Variants in ATF2 observed in about 807,000 individuals in gnomAD.
ATF2 encodes the protein activating transcription factor 2, also known as cyclic AMP-dependent transcription factor ATF-2.
In ATF2, 24 loss-of-function variants were observed where a neutral mutation model predicts 60.6. The ratio of observed to expected loss-of-function variants is 0.40; its 90% confidence interval spans 0.29 to 0.56. The LOEUF (loss-of-function observed/expected upper bound fraction) is 0.56, where lower values mean the gene tolerates loss of function less well. Ranked by LOEUF, ATF2 falls within the 20% of genes least tolerant of loss-of-function variation. ATF2 has a pLI of 0.54. For synonymous variants in ATF2, 206 were observed against 215.4 expected, an observed-to-expected ratio of 0.96 and a Z score of 0.38; for missense variants, 433 against 607.7, an observed-to-expected ratio of 0.71 and a Z score of 3.02.
chr2:175,084,241 C>T (rs1034713466), intron 12 of ATF2, among the ~76,000 whole-genome samples: 2 of 151,944 alleles, frequency 1.3e-5, no homozygotes, highest in Admixed American at 6.6e-5. Flanking sequence ...TTGGAACCAA[C>T]CAAAATGTCC....
chr2:175,106,269 G>A (rs1293343045), intron 10 of ATF2, among the ~76,000 whole-genome samples: 4 of 152,134 alleles, frequency 2.6e-5, no homozygotes, highest in East Asian at 1.9e-4. Context: ...AGTAGCTCAC[G>A]CCTGTAATCA....
intron 13 of ATF2, among the ~76,000 whole-genome samples, chr2:175,076,468 T>C (rs942440309): frequency 1.3e-5 from 2 of 152,130 alleles, no homozygotes; most frequent in African/African-American, 2.4e-5. Context: ...GGGTATATTG[T>C]GCAATCCTGG....
At chr2:175,167,158 A>G (rs1384453773) in intron 1 of ATF2, among the ~76,000 whole-genome samples, 1 of 152,158 alleles carries the variant, frequency 6.6e-6, no homozygotes, top group African/African-American at 2.4e-5. Context: ...ACCTAGGGGC[A>G]CAAAAATAGT....
In ATF2 at chr2:175,093,043, C is replaced by G; in HGVS notation, c.1185+18G>C. The stretch of plus-strand genomic sequence containing the variant: ...ATTAAAAAAGAAATAAAACAAAATT[C>G]ACATATATGCACCATACCTGCAGCT... On this transcript the variant is annotated intron_variant, in intron 12 of 13. Transcript: ENST00000264110. 3 of 1,586,826 alleles carry G rather than the reference C, an allele frequency of 1.9e-6. No individual in the cohort carries two copies. Among genetic ancestry groups the G allele is most frequent in the Non-Finnish European group, 2.6e-6 (3 of 1,169,336 alleles).
chr2:175,107,912 C>G (rs985166299), intron 10 of ATF2, among the ~76,000 whole-genome samples: 6 of 152,306 alleles, frequency 3.9e-5, no homozygotes, highest in South Asian at 4.1e-4. Context: ...GATCTCGGCT[C>G]GCTACAACCT....
At chr2:175,158,432 G>A (rs932202495) in intron 1 of ATF2, among the ~76,000 whole-genome samples, 2 of 151,858 alleles carry the variant, frequency 1.3e-5, no homozygotes, top group East Asian at 3.9e-4. Context: ...ATGTTGCCCA[G>A]GCTGGTCTTG....
chr2:175,156,734 A>C (rs1699712106), intron 1 of ATF2, among the ~76,000 whole-genome samples: 1 of 152,230 alleles, frequency 6.6e-6, no homozygotes, highest in Non-Finnish European at 1.5e-5. Context: ...AAAGGAATGC[A>C]GCTCTGCCAA....
intron 3 of ATF2, among the ~76,000 whole-genome samples, chr2:175,131,223 T>A (rs1296168043): frequency 1.3e-5 from 2 of 152,244 alleles, no homozygotes; most frequent in Non-Finnish European, 2.9e-5. Flanking sequence ...ATTGCACTGG[T>A]AGGTGCAAGG....
rs1490586777 is a variant in ATF2 at position 175,121,387 on chromosome 2, T to C, written c.199+57A>G. 7.6e-6 allele frequency: 9 copies of C among 1,188,648 alleles called. No individual in the cohort carries two copies. The African/African-American group carries it at 7.9e-5, about 10-fold the overall frequency. 73.6% of individuals were successfully genotyped at this position (1,188,648 alleles called of 1,614,324 possible). On this transcript the variant is annotated intron_variant, in intron 5 of 13. Transcript: ENST00000264110. Reference sequence around the variant, plus strand: ...ATTATTTACAGAGAATACACAAAAATTGTGCACATTCCAGGTGAAATATGT... The same window carrying C: ...ATTATTTACAGAGAATACACAAAAACTGTGCACATTCCAGGTGAAATATGT...
intron 1 of ATF2, among the ~76,000 whole-genome samples, chr2:175,167,442 C>T (rs1700434951): frequency 6.6e-6 from 1 of 152,060 alleles, no homozygotes. Flanking sequence ...CGGAAAAGGC[C>T]GAGACTTCCA....
At chr2:175,157,118 C>T (rs1190671376) in intron 1 of ATF2, among the ~76,000 whole-genome samples, 1 of 152,190 alleles carries the variant, frequency 6.6e-6, no homozygotes, top group African/African-American at 2.4e-5. Context: ...TAAAGATGCA[C>T]TCAAATCAAT....
At chr2:175,131,855 T>A (rs1276872042) in intron 3 of ATF2, among the ~76,000 whole-genome samples, 1 of 152,126 alleles carries the variant, frequency 6.6e-6, no homozygotes, top group African/African-American at 2.4e-5. Flanking sequence ...ACTGACCACA[T>A]CAGAAATTAA....
At chr2:175,110,766 C>T (rs893376827) in intron 10 of ATF2, among the ~76,000 whole-genome samples, 5 of 152,028 alleles carry the variant, frequency 3.3e-5, no homozygotes, top group South Asian at 2.1e-4. Flanking sequence ...CCACCACGCT[C>T]GGCTAATTTT....
chr2:175,106,147 A>C (rs184330779), intron 10 of ATF2, among the ~76,000 whole-genome samples: 1 of 152,352 alleles, frequency 6.6e-6, no homozygotes, highest in East Asian at 1.9e-4. Flanking sequence ...ACCATTAAGA[A>C]AAATAAAGGC....
In ATF2 at chr2:175,162,900, G is replaced by A. The variant is rs796113530; in HGVS notation, c.-143+5150C>T. Among the ~76,000 whole-genome samples the A allele has an allele frequency of 3.9e-4, 59 of 152,182 alleles. 1 individual carries two copies. The highest frequency in any genetic ancestry group is 1.2e-3 in the African/African-American group (51 of 41,500). On this transcript the variant is annotated intron_variant, in intron 1 of 13. Coordinates refer to ENST00000264110, the MANE Select transcript of ATF2 (RefSeq NM_001880.4). ...TGTAATCCCAGCACTTTGGGAGGCC[G>A]AGGTGGGCGGATCACAAGGTCAGAA...
At chr2:175,137,906 T>C (rs1167854151) in intron 2 of ATF2, among the ~76,000 whole-genome samples, 1 of 152,138 alleles carries the variant, frequency 6.6e-6, no homozygotes, top group Admixed American at 6.5e-5. Flanking sequence ...ACGATAACAA[T>C]TCTGGGAGGC....
chr2:175,141,718 C>A (rs1698554986), intron 2 of ATF2, among the ~76,000 whole-genome samples: 1 of 152,098 alleles, frequency 6.6e-6, no homozygotes. Flanking sequence ...AGGTCTCCAT[C>A]TCCTGACCTC....
At chr2:175,124,295 A>G (rs201716444) in intron 4 of ATF2, among the ~76,000 whole-genome samples, 1 of 144,794 alleles carries the variant, frequency 6.9e-6, no homozygotes, top group South Asian at 2.2e-4. Context: ...AAAAAAAAAG[A>G]TTTTTTTTTT....
intron 4 of ATF2, chr2:175,126,799 A>G (rs956140169): frequency 2.0e-5 from 3 of 152,160 alleles, no homozygotes; most frequent in Admixed American, 2.0e-4. Flanking sequence ...CTTTGTCCAA[A>G]GGCTGGCCCT....
Sources: gnomAD v4.1 joint callset for allele counts (sites outside exome capture counted in the v4.1 genomes callset) on GRCh38, gnomAD v4.1.1 for gene constraint, MANE v1.5 for transcripts, NCBI Gene and HGNC (gene_info 2026-07-23, HGNC 2026-07-21) for gene names.